Variants in CARS1 observed in about 807,000 individuals in gnomAD.
CARS1 encodes the protein cysteinyl-tRNA synthetase 1, also known as cysteine--tRNA ligase, cytoplasmic.
A neutral mutation model predicts 106.2 loss-of-function variants in CARS1; 48 were observed. The ratio of observed to expected loss-of-function variants is 0.45; its 90% CI spans 0.36 to 0.57. The LOEUF (loss-of-function observed/expected upper bound fraction) is 0.57. CARS1 is among the 20% of genes least tolerant of loss of function. The probability of loss-of-function intolerance (pLI) is 0.00; values close to 1 mark genes in which losing one functional copy is unlikely to be tolerated. For synonymous variants in CARS1, 409 were observed against 403.4 expected (o/e 1.01, Z -0.17); for missense variants, 968 against 1,057.2 (o/e 0.92, Z 1.17).
chr11:3,006,004 A>C (rs1849825010), intron 19 of CARS1, among the ~76,000 whole-genome samples: 1 of 152,224 alleles, frequency 6.6e-6, no homozygotes, highest in Non-Finnish European at 1.5e-5. Flanking sequence ...CCAGGGGCAG[A>C]GTGGAAGAGT....
At chr11:3,032,224 C>T (rs449164) in intron 7 of CARS1, among the ~76,000 whole-genome samples, 52,038 of 151,544 alleles carry the variant, frequency 0.34, 10,475 homozygotes, top group East Asian at 0.63. Flanking sequence ...AGTCACGTGA[C>T]GCCACGCCCA....
rs1468860703 is a variant in CARS1 at position 3,053,650 on chromosome 11, A to T, written c.25+3693T>A. On this transcript the variant is annotated intron_variant, in intron 1 of 22. Coordinates refer to ENST00000380525, the MANE Select transcript of CARS1 (RefSeq NM_001014437.3). The surrounding 1 kb of genome is among the most constrained non-coding windows in gnomAD (Gnocchi z 6.6). ...TGCCTTCAGCAGCAGAACCTGGGGG[A>T]TCCAGAGAAGTCACATTCTTGGGCT... Among the ~76,000 whole-genome samples, 1 of 151,984 alleles carries T rather than the reference A, an allele frequency of 6.6e-6. No individual in the cohort carries two copies. The highest frequency in any genetic ancestry group is 2.4e-5 in the African/African-American group (1 of 41,364).
rs562950227 is a variant in CARS1 at position 3,017,649 on chromosome 11, G to C, written c.1727+208C>G. ...CAAGGGCGAAACTCCGTCTCAAAAA[G>C]AAAAAACAAAAAAGAAATTCTCCAT... On this transcript the variant is annotated intron_variant, in intron 15 of 22. Coordinates refer to ENST00000380525, the MANE Select transcript of CARS1 (RefSeq NM_001014437.3). This position sits in a 1 kb window ranked among gnomAD's most constrained non-coding sequence, Gnocchi z 4.9. 1 of 571,148 alleles carries C rather than the reference G, an allele frequency of 1.8e-6. No homozygotes were observed. The highest frequency in any genetic ancestry group is 2.9e-5 in the East Asian group (1 of 34,756). The allele number at this position is 571,148 out of a possible 1,614,324, so 35.4% of individuals were successfully genotyped here. A position where few individuals can be genotyped will look rare whatever the true frequency, so the allele number is the denominator to read the frequency against.
At chr11:3,015,732 G>T (rs1004181992) in intron 17 of CARS1, 49 bp downstream of exon 17, 2 of 1,492,288 alleles carry the variant, frequency 1.3e-6, no homozygotes, top group Non-Finnish European at 1.9e-6. Flanking sequence ...GAGGGGTAGG[G>T]AGTGGGGAGG....
rs185365224 is a variant in CARS1 at position 3,029,134 on chromosome 11, C to A, written c.943-50G>T. On this transcript the variant is annotated intron_variant, in intron 8 of 22. Coordinates refer to ENST00000380525, the MANE Select transcript of CARS1 (RefSeq NM_001014437.3). This position sits in a 1 kb window ranked among gnomAD's most constrained non-coding sequence, Gnocchi z 5.9. ...GGGATTTTCCCTTCTGAAAACCACG[C>A]GCTCCATAAAAACGTTCCCAATTCA... 235 of 1,485,570 alleles carry A rather than the reference C, an allele frequency of 1.6e-4. 2 individuals are homozygous for A. In the Middle Eastern group the frequency reaches 1.9e-3, roughly 12 times the overall value. The allele number at this position is 1,485,570 out of a possible 1,614,324, so 92.0% of individuals were successfully genotyped here. A position where few individuals can be genotyped will look rare whatever the true frequency, so the allele number is the denominator to read the frequency against.
rs979351554 is a variant in CARS1 at position 3,029,570 on chromosome 11, C to T, written c.802-127G>A. 6.2e-6 allele frequency: 6 copies of T among 969,910 alleles called. No individual in the cohort carries two copies. In the African/African-American group the frequency reaches 9.8e-5, roughly 16 times the overall value. 60.1% of individuals were successfully genotyped at this position (969,910 alleles called of 1,614,324 possible). A position where few individuals can be genotyped will look rare whatever the true frequency, so the allele number is the denominator to read the frequency against. On this transcript the variant is annotated intron_variant, in intron 7 of 22. Coordinates refer to ENST00000380525, the MANE Select transcript of CARS1 (RefSeq NM_001014437.3). This position sits in a 1 kb window ranked among gnomAD's most constrained non-coding sequence, Gnocchi z 5.9. ...GCTGACCTTGACCTGTGAAGAGCCA[C>T]CGTCTCCTAGGGAGACTGTGATGCT...
chr11:3,017,993 CT>C lies in CARS1; in HGVS notation c.1630-40del. On this transcript the variant is annotated intron_variant, in intron 14 of 22. Transcript: ENST00000380525. This position sits in a 1 kb window ranked among gnomAD's most constrained non-coding sequence, Gnocchi z 4.9. ...AATCAGTTTAACAGCATTTAGGCAA[CT>C]TTTCCATCCTGAAATATCTGTTACA... 1 of 1,321,730 alleles carries C rather than the reference CT, an allele frequency of 7.6e-7. No individual in the cohort carries two copies. 81.9% of individuals were successfully genotyped at this position (1,321,730 alleles called of 1,614,324 possible).
At chr11:3,016,225 T>C (rs1850983432) in intron 16 of CARS1, among the ~76,000 whole-genome samples, 1 of 148,044 alleles carries the variant, frequency 6.8e-6, no homozygotes. Context: ...TGCTTCTCTT[T>C]TTTTTTTTTT....
At position 3,004,274 on chromosome 11, in the gene CARS1, A is replaced by T. The variant is rs1849652212; in HGVS notation, c.2217+1092T>A. The stretch of plus-strand genomic sequence containing the variant: ...GCTTTCCCCAGAGTTCCAGTTCGTT[A>T]TTCCTCCAAAGCACTGCAAACTCCA... On this transcript the variant is annotated intron_variant, in intron 20 of 22. Coordinates refer to ENST00000380525, the MANE Select transcript of CARS1 (RefSeq NM_001014437.3). This position sits in a 1 kb window ranked among gnomAD's most constrained non-coding sequence, Gnocchi z 5.2. Among the ~76,000 whole-genome samples, 1 of 152,170 alleles carries T rather than the reference A, an allele frequency of 6.6e-6. No individual in the cohort carries two copies. The highest frequency in any genetic ancestry group is 6.5e-5 in the Admixed American group (1 of 15,280).
At position 3,038,146 on chromosome 11, in the gene CARS1, G is replaced by C. The variant is rs570654329; in HGVS notation, c.705C>G (p.Leu235=). Residue 235 remains leucine (L), a synonymous_variant, in exon 7 of 23, where the codon CTC becomes CTG. Transcript: ENST00000380525. The surrounding 1 kb of genome is among the most constrained non-coding windows in gnomAD (Gnocchi z 4.0). ...GCTGCACTGCGTGCTGAATCCGTTC[G>C]AGCATCTGCTTTTTATCGGGATCCG... is the stretch of plus-strand genomic sequence containing the variant. ...ETTDPDKKQM[L]ERIQHAVQLA... The C allele has an allele frequency of 1.2e-6, 2 of 1,614,010 alleles. No individual in the cohort carries two copies. The highest frequency in any genetic ancestry group is 1.7e-5 in the Admixed American group (1 of 60,024).
chr11:3,001,011 C>A lies in CARS1; in HGVS notation c.*103G>T, dbSNP rs1474033474. On this transcript the variant is annotated 3_prime_UTR_variant, in exon 23 of 23. Coordinates refer to ENST00000380525, the MANE Select transcript of CARS1 (RefSeq NM_001014437.3). ...CATGAACACAACTCTTAATTTAGGA[C>A]CCAAGGGTGACTGTAAACATGATAG... is the stretch of plus-strand genomic sequence containing the variant. 2.3e-6 allele frequency: 3 copies of A among 1,331,742 alleles called. No homozygotes were observed. The highest frequency in any genetic ancestry group is 3.2e-6 in the Non-Finnish European group (3 of 946,334). The allele number at this position is 1,331,742 out of a possible 1,614,324, so 82.5% of individuals were successfully genotyped here.
rs1854908152 is a variant in CARS1, at chr11:3,044,783, T to C, written c.275-2527A>G. Among the ~76,000 whole-genome samples the C allele has an allele frequency of 6.6e-6, 1 of 152,080 alleles. No homozygotes were observed. The highest frequency in any genetic ancestry group is 1.5e-5 in the Non-Finnish European group (1 of 68,036). ...CTGAGTGATCCAACAACAGACCAAC[T>C]ATGAACCGCTCATGAGAGACATGGC... On this transcript the variant is annotated intron_variant, in intron 2 of 22. Transcript: ENST00000380525. This position sits in a 1 kb window ranked among gnomAD's most constrained non-coding sequence, Gnocchi z 4.4.
chr11:3,044,356 T>C lies in CARS1; in HGVS notation c.275-2100A>G, dbSNP rs892122978. On this transcript the variant is annotated intron_variant, in intron 2 of 22. Transcript: ENST00000380525. This position sits in a 1 kb window ranked among gnomAD's most constrained non-coding sequence, Gnocchi z 4.4. Reference sequence around the variant, plus strand: ...GAAAACGGGTTACCAGGCCCAGATATACAAATTCAGATTTGCAAAAGGGAA... The same window carrying C: ...GAAAACGGGTTACCAGGCCCAGATACACAAATTCAGATTTGCAAAAGGGAA... 6.6e-6 allele frequency among the ~76,000 whole-genome samples: 1 copy of C among 151,798 alleles called. No individual in the cohort carries two copies. The highest frequency in any genetic ancestry group is 1.5e-5 in the Non-Finnish European group (1 of 67,966).
At position 3,040,052 on chromosome 11, in the gene CARS1, C is replaced by G. The variant is rs1854227410; in HGVS notation, c.456-121G>C. 1.7e-6 allele frequency: 1 copy of G among 576,074 alleles called. No homozygotes were observed. Among genetic ancestry groups the G allele is most frequent in the East Asian group, 3.2e-5 (1 of 31,528 alleles). The allele number at this position is 576,074 out of a possible 1,614,324, so 35.7% of individuals were successfully genotyped here. A position where few individuals can be genotyped will look rare whatever the true frequency, so the allele number is the denominator to read the frequency against. On this transcript the variant is annotated intron_variant, in intron 4 of 22. Transcript: ENST00000380525. The surrounding 1 kb of genome is among the most constrained non-coding windows in gnomAD (Gnocchi z 5.8). Reference sequence around the variant, plus strand: ...ATGATTTTCTCTGCCATCCCTGAAACAGCAAGACCCCCCCTTCTCCTCCTC... The same window carrying G: ...ATGATTTTCTCTGCCATCCCTGAAAGAGCAAGACCCCCCCTTCTCCTCCTC...
intron 18 of CARS1, among the ~76,000 whole-genome samples, chr11:3,010,765 G>A (rs188444010): frequency 3.5e-4 from 53 of 152,310 alleles, no homozygotes; most frequent in African/African-American, 1.3e-3. Context: ...GCCCAGATTC[G>A]GCTCCTCCGC....
At chr11:3,007,275 A>G (rs1269156358) in intron 18 of CARS1, 13 of 410,760 alleles carry the variant, frequency 3.2e-5, no homozygotes, top group Non-Finnish European at 4.4e-6. Context: ...CTTCCAGGAA[A>G]GGGACACAAG....
intron 7 of CARS1, among the ~76,000 whole-genome samples, chr11:3,035,433 A>G (rs1325404808): frequency 6.6e-6 from 1 of 152,226 alleles, no homozygotes; most frequent in African/African-American, 2.4e-5. Flanking sequence ...TGTATGTGCA[A>G]ATACACAGCA....
At chr11:3,006,736 C>G in intron 19 of CARS1, 143 bp downstream of exon 19, 1 of 749,644 alleles carries the variant, frequency 1.3e-6, no homozygotes, top group Middle Eastern at 2.4e-4. Flanking sequence ...GGGAATGGCG[C>G]CGGGGGACCC....
Position 3,045,334 on chromosome 11 carries a change from G to T in CARS1, c.274+2419C>A, listed in dbSNP as rs939753313. On this transcript the variant is annotated intron_variant, in intron 2 of 22. Transcript: ENST00000380525. This position sits in a 1 kb window ranked among gnomAD's most constrained non-coding sequence, Gnocchi z 5.6. ...GGCTGGAGTACAGTGGCACGATCTC[G>T]GCTCACTGCAAGCTCCGCCTCCCAG... Among the ~76,000 whole-genome samples the T allele has an allele frequency of 6.6e-6, 1 of 151,988 alleles. No homozygotes were observed. The highest frequency in any genetic ancestry group is 1.5e-5 in the Non-Finnish European group (1 of 68,002).
Sources: allele counts gnomAD v4.1 joint callset (sites outside exome capture counted in the v4.1 genomes callset), GRCh38; gene constraint gnomAD v4.1.1; non-coding constraint Gnocchi (gnomAD v3.1); transcripts MANE v1.5; gene names NCBI Gene and HGNC (gene_info 2026-07-23, HGNC 2026-07-21).